The following LINGO2 variants were observed in gnomAD, a reference collection of about 807,000 sequenced individuals.
LINGO2 encodes the protein leucine rich repeat and Ig domain containing 2.
A neutral mutation model predicts 30.6 loss-of-function variants in LINGO2; 14 were observed. That is an observed-to-expected ratio of 0.46 (90% CI 0.30 to 0.72). LINGO2 has a LOEUF of 0.72. Among genes scored for constraint, LINGO2 ranks in the 30% least tolerant of loss-of-function variants. The pLI is 0.07. For missense variants in LINGO2, 729 were observed against 751.7 expected (o/e 0.97, Z 0.35); for synonymous variants, 317 against 288.5 (o/e 1.10, Z -1.00).
intron 4 of LINGO2, among the ~76,000 whole-genome samples, chr9:28,158,723 TTAGTGCTCCCCTGCATGGG>T (rs1365700202): frequency 6.6e-6 from 1 of 152,110 alleles, no homozygotes; most frequent in African/African-American, 2.4e-5. Context: ...CTATTTCCAC[TTAGTGCTCCCCTGCATGGG>T]TGCACAGCAG....
chr9:28,392,087 C>T (rs1424948607), intron 2 of LINGO2, among the ~76,000 whole-genome samples: 3 of 152,116 alleles, frequency 2.0e-5, no homozygotes, highest in South Asian at 2.1e-4. Context: ...CCTGTAGTCC[C>T]GGTTACTCGG....
the LINGO2 span, among the ~76,000 whole-genome samples, chr9:29,075,174 T>C: frequency 0.2 from 29,984 of 152,082 alleles, 3,094 homozygotes; most frequent in African/African-American, 0.24. Flanking sequence ...CAGGCTATTC[T>C]ACTCATTATA....
chr9:28,876,164 T>C, the LINGO2 span, among the ~76,000 whole-genome samples: 2 of 152,096 alleles, frequency 1.3e-5, no homozygotes, highest in African/African-American at 4.8e-5. Context: ...GATTTGCGAT[T>C]TTTAAGACAT....
the LINGO2 span, among the ~76,000 whole-genome samples, chr9:29,158,790 A>G: frequency 6.6e-6 from 1 of 151,800 alleles, no homozygotes; most frequent in Non-Finnish European, 1.5e-5. Context: ...GAGAGAGAGA[A>G]AGAGAGAGCA....
chr9:28,932,848 A>G, the LINGO2 span, among the ~76,000 whole-genome samples: 13 of 152,062 alleles, frequency 8.5e-5, no homozygotes, highest in Non-Finnish European at 1.5e-4. Flanking sequence ...TACTACGCTT[A>G]TATATAATTA....
chr9:28,152,301 GTC>G (rs5897277), intron 4 of LINGO2, among the ~76,000 whole-genome samples: 4 of 150,026 alleles, frequency 2.7e-5, no homozygotes, highest in Non-Finnish European at 3.0e-5. Flanking sequence ...GGCAACTCTT[GTC>G]TCTCTCTCTC....
chr9:29,105,742 T>C, the LINGO2 span, among the ~76,000 whole-genome samples: 3 of 152,168 alleles, frequency 2.0e-5, no homozygotes, highest in Non-Finnish European at 4.4e-5. Context: ...TCTCCTACTA[T>C]CCTGGAAGAA....
the LINGO2 span, among the ~76,000 whole-genome samples, chr9:28,880,542 G>A: frequency 6.6e-6 from 1 of 152,108 alleles, no homozygotes; most frequent in Non-Finnish European, 1.5e-5. Flanking sequence ...CTCTGCCCTT[G>A]AAAGCGGGGT....
rs115056499 is a variant in LINGO2 at position 28,245,225 on chromosome 9, C to T, written c.-87+49983G>A. On this transcript the variant is annotated intron_variant, in intron 4 of 5. Coordinates refer to ENST00000379992, the Ensembl canonical transcript of LINGO2. ...AAAACCACATGATCGTCTCAATAAA[C>T]GCAGAAAAGGCCTTCAATAAAATTC... Among the ~76,000 whole-genome samples the T allele has an allele frequency of 7.7e-3, 1,168 of 152,166 alleles. 24 individuals carry two copies. The highest frequency in any genetic ancestry group is 0.026 in the African/African-American group (1,069 of 41,534).
At chr9:28,189,697 GAGGGAGGAAGGAAGGA>G (rs1819740557) in intron 4 of LINGO2, among the ~76,000 whole-genome samples, 2 of 24,070 alleles carry the variant, frequency 8.3e-5, no homozygotes, top group Non-Finnish European at 2.2e-4. Flanking sequence ...GGAAGGAAGG[GAGGGAGGAAGGAAGGA>G]AGGAAGGAAG....
At chr9:29,072,313 A>C in the LINGO2 span, among the ~76,000 whole-genome samples, 1 of 152,134 alleles carries the variant, frequency 6.6e-6, no homozygotes, top group Admixed American at 6.6e-5. Context: ...GATCATTTTT[A>C]ATACATATAA....
the LINGO2 span, among the ~76,000 whole-genome samples, chr9:28,918,162 C>T: frequency 6.6e-5 from 10 of 152,186 alleles, no homozygotes; most frequent in South Asian, 1.0e-3. Context: ...CCTGGGGAGG[C>T]CACAGAATCA....
intron 4 of LINGO2, among the ~76,000 whole-genome samples, chr9:28,244,399 C>T (rs1486724911): frequency 5.9e-5 from 9 of 151,520 alleles, no homozygotes; most frequent in Non-Finnish European, 4.4e-5. Context: ...GACAGAACTA[C>T]AGATGCAAGA....
At chr9:28,256,695 T>C (rs1822394480) in intron 4 of LINGO2, among the ~76,000 whole-genome samples, 1 of 151,924 alleles carries the variant, frequency 6.6e-6, no homozygotes, top group South Asian at 2.1e-4. Flanking sequence ...AAGCTTGACA[T>C]GCTTGAAAAA....
At chr9:29,102,939 A>C in the LINGO2 span, among the ~76,000 whole-genome samples, 1 of 152,220 alleles carries the variant, frequency 6.6e-6, no homozygotes, top group African/African-American at 2.4e-5. Context: ...TATTATATCT[A>C]TACATCTCTT....
chr9:28,615,065 C>T (rs1826079924), intron 1 of LINGO2, among the ~76,000 whole-genome samples: 1 of 152,028 alleles, frequency 6.6e-6, no homozygotes, highest in South Asian at 2.1e-4. Flanking sequence ...TAAGGGAGGA[C>T]ATTTTAAATT....
At chr9:28,238,854 A>AT (rs1038853925) in intron 4 of LINGO2, among the ~76,000 whole-genome samples, 3 of 152,116 alleles carry the variant, frequency 2.0e-5, no homozygotes, top group African/African-American at 7.2e-5. Flanking sequence ...AATAGTTGTG[A>AT]TTTTTTTGAA....
chr9:29,129,949 G>C, the LINGO2 span, among the ~76,000 whole-genome samples: 1 of 152,108 alleles, frequency 6.6e-6, no homozygotes, highest in African/African-American at 2.4e-5. Flanking sequence ...TGTAAGTCAT[G>C]AAAAGGATTT....
intron 1 of LINGO2, among the ~76,000 whole-genome samples, chr9:28,531,736 C>T (rs745449330): frequency 5.9e-5 from 9 of 151,874 alleles, no homozygotes; most frequent in Non-Finnish European, 1.0e-4. Context: ...ATAAACAACA[C>T]GGATTTTGCC....
Sources: allele counts gnomAD v4.1 joint callset (sites outside exome capture counted in the v4.1 genomes callset), GRCh38; gene constraint gnomAD v4.1.1; transcripts MANE v1.5; gene names NCBI Gene and HGNC (gene_info 2026-07-23, HGNC 2026-07-21).